Variants in SLC16A3 observed in about 807,000 individuals in gnomAD.
SLC16A3 encodes monocarboxylate transporter 4.
A neutral mutation model predicts 25.0 loss-of-function variants in SLC16A3; 22 were observed. That is an observed-to-expected ratio of 0.88 (90% CI 0.63 to 1.26). SLC16A3 has a LOEUF of 1.26. Ranked by LOEUF, SLC16A3 falls within the 50% of genes most tolerant of loss-of-function variation. The pLI is 0.00. For missense variants in SLC16A3, 731 were observed against 666.6 expected (o/e 1.10, Z -1.06); for synonymous variants, 390 against 309.2 (o/e 1.26, Z -2.74).
intron 1 of SLC16A3, chr17:82,229,592 C>T (rs183271676): frequency 6.6e-6 from 1 of 152,514 alleles, no homozygotes; most frequent in Non-Finnish European, 1.5e-5. Context: ...CCTGAACACT[C>T]CCCGACCCAC....
intron 4 of SLC16A3, 105 bp from the exon 5 acceptor site, chr17:82,238,595 CAG>C: frequency 8.6e-7 from 1 of 1,165,336 alleles, no homozygotes; most frequent in Non-Finnish European, 1.2e-6. Flanking sequence ...CAGAGGCAGA[CAG>C]GGTGACCCTT....
upstream of SLC16A3, among the ~76,000 whole-genome samples, chr17:82,228,060 C>T (rs1376578860): frequency 6.6e-6 from 1 of 152,208 alleles, no homozygotes; most frequent in Non-Finnish European, 1.5e-5. Context: ...ACCAGTGCCT[C>T]GGTCCCCGAA....
intron 1 of SLC16A3, among the ~76,000 whole-genome samples, chr17:82,232,612 G>A (rs1037376384): frequency 6.6e-6 from 1 of 152,244 alleles, no homozygotes; most frequent in African/African-American, 2.4e-5. Context: ...AGGTCCTGAG[G>A]ACTTCATGGT....
In SLC16A3 at chr17:82,237,558, C is replaced by T; in HGVS notation, c.788C>T (p.Ala263Val). ...GACCTGGGCGTGCCCGACACCAAGG[C>T]CGCCTTCCTGCTCACCATCCTGGGC... ...AKDLGVPDTKAAFLLTILGFI... is the reference protein window; with the variant it reads ...AKDLGVPDTKVAFLLTILGFI... Residue 263 changes from alanine (A) to valine (V), a missense_variant, in exon 4 of 5, where the codon GCC becomes GTC. By Grantham distance (64) the Ala-to-Val change is moderately conservative. Coordinates refer to ENST00000582743, the MANE Select transcript of SLC16A3 (RefSeq NM_004207.4). The T allele has an allele frequency of 6.2e-7, 1 of 1,611,248 alleles. No individual in the cohort carries two copies. The highest frequency in any genetic ancestry group is 8.5e-7 in the Non-Finnish European group (1 of 1,178,768).
At chr17:82,222,291 G>A (rs919053338) in intron 1 of SLC16A3, among the ~76,000 whole-genome samples, 1 of 138,670 alleles carries the variant, frequency 7.2e-6, no homozygotes, top group Non-Finnish European at 1.5e-5. Flanking sequence ...TCCCACGTTC[G>A]TGGAGACGAG....
intron 1 of SLC16A3, chr17:82,235,675 T>C: frequency 2.4e-6 from 1 of 418,030 alleles, no homozygotes; most frequent in South Asian, 2.4e-5. Flanking sequence ...CAGGTCGATG[T>C]TCCTGTCGGG....
upstream of SLC16A3, among the ~76,000 whole-genome samples, chr17:82,226,855 G>A (rs150367726): frequency 0.01 from 1,593 of 152,252 alleles, 15 homozygotes; most frequent in Admixed American, 0.017. Flanking sequence ...TGTCCCAAGT[G>A]GCCTGCTTGA....
At chr17:82,235,910 G>T in intron 1 of SLC16A3, 73 bp from the exon 2 acceptor site, 1 of 1,045,668 alleles carries the variant, frequency 9.6e-7, no homozygotes, top group Non-Finnish European at 1.4e-6. Flanking sequence ...CACCCAGCTC[G>T]TGTCCCTCCC....
upstream of SLC16A3, among the ~76,000 whole-genome samples, chr17:82,226,816 G>A (rs148241512): frequency 5.3e-4 from 80 of 152,242 alleles, no homozygotes; most frequent in African/African-American, 1.5e-3. Context: ...ACCCCACAGC[G>A]TCCTGTTCTG....
chr17:82,237,274 G>A lies in SLC16A3; in HGVS notation c.504G>A (p.Gln168=). Residue 168 remains glutamine (Q), a synonymous_variant, in exon 4 of 5, where the codon CAG becomes CAA. Transcript: ENST00000582743. The stretch of plus-strand genomic sequence containing the variant: ...TGTGTGCCCTGAGCCCGCTGGGGCA[G>A]CTGCTGCAGGACCGCTACGGCTGGC... The part of the protein sequence containing the change: ...VFLCALSPLG[Q]LLQDRYGWRG... 3 of 1,564,806 alleles carry A rather than the reference G, an allele frequency of 1.9e-6. No individual in the cohort carries two copies. Among genetic ancestry groups the A allele is most frequent in the Non-Finnish European group, 2.6e-6 (3 of 1,155,086 alleles).
chr17:82,218,072 G>A (rs575647294), exon 1 of SLC16A3, among the ~76,000 whole-genome samples: 5 of 152,322 alleles, frequency 3.3e-5, no homozygotes, highest in Admixed American at 6.5e-5. Context: ...GGCTGGGCAC[G>A]AGGCCACAGC....
chr17:82,238,482 T>G lies in SLC16A3; in HGVS notation c.1124-220T>G, dbSNP rs117195347. Among the ~76,000 whole-genome samples the G allele has an allele frequency of 3.7e-3, 556 of 152,106 alleles. 19 individuals are homozygous for G. In the East Asian group the frequency reaches 0.087, roughly 24 times the overall value. ...CGAAACCCAAACTCCACAAAGCCAT[T>G]GCTATTTTTAGCCTCTTAAGTCTTG... On this transcript the variant is annotated intron_variant, in intron 4 of 4. Transcript: ENST00000582743.
In SLC16A3 at chr17:82,236,885, G is replaced by T. The variant is rs777270913; in HGVS notation, c.367+13G>T. 2.5e-6 allele frequency: 4 copies of T among 1,602,616 alleles called. No individual in the cohort carries two copies. Among genetic ancestry groups the T allele is most frequent in the Non-Finnish European group, 3.4e-6 (4 of 1,179,124 alleles). ...GGGGTCATCACGGGTGAGTGGGGCC[G>T]GCCGGTGGGCCGCACGTGCCAGGAG... On this transcript the variant is annotated intron_variant, in intron 3 of 4. Transcript: ENST00000582743.
chr17:82,238,886 G>A lies in SLC16A3; in HGVS notation c.1308G>A (p.Ser436=), dbSNP rs61730223. 2,997 of 1,606,672 alleles carry A rather than the reference G, an allele frequency of 1.9e-3. 43 individuals carry two copies. The African/African-American group carries it at 0.034, about 18-fold the overall frequency. ...EEKLHKPPAD[S]GVDLREVEHF... The stretch of plus-strand genomic sequence containing the variant: ...AGCTCCACAAGCCTCCTGCAGACTC[G>A]GGGGTGGACTTGCGGGAGGTGGAGC... The change falls in exon 5 of 5, where the codon TCG becomes TCA. Residue 436 remains serine (S), a synonymous_variant. Coordinates refer to ENST00000582743, the MANE Select transcript of SLC16A3 (RefSeq NM_004207.4).
intron 4 of SLC16A3, 127 bp from the exon 5 acceptor site, chr17:82,238,575 C>A: frequency 2.1e-6 from 2 of 943,772 alleles, no homozygotes; most frequent in South Asian, 2.0e-5. Context: ...ACCTCCCAGC[C>A]CCACAAGCTC....
In SLC16A3 at chr17:82,239,672, G is replaced by C. The variant is rs1306788055; in HGVS notation, c.*696G>C. On this transcript the variant is annotated 3_prime_UTR_variant, in exon 5 of 5. Transcript: ENST00000582743. ...CAGGTGCCTGGAGGCCGCTGTGCCA[G>C]GGTGGCCTCTGAAATGTGCCAGGGA... is the stretch of plus-strand genomic sequence containing the variant. The C allele has an allele frequency of 9.2e-6, 3 of 324,902 alleles. No individual in the cohort carries two copies. Among genetic ancestry groups the C allele is most frequent in the Non-Finnish European group, 1.7e-5 (3 of 179,272 alleles). The allele number at this position is 324,902 out of a possible 1,614,324, so 20.1% of individuals were successfully genotyped here.
intron 4 of SLC16A3, among the ~76,000 whole-genome samples, chr17:82,238,415 CAG>C (rs890781671): frequency 2.0e-4 from 30 of 152,292 alleles, no homozygotes; most frequent in African/African-American, 6.5e-4. Context: ...CTGGAAGCCT[CAG>C]GGGGACTCCG....
chr17:82,223,660 A>ATG (rs1028772543), upstream of SLC16A3, among the ~76,000 whole-genome samples: 7 of 152,166 alleles, frequency 4.6e-5, no homozygotes, highest in Non-Finnish European at 8.8e-5. Flanking sequence ...TTATGGGTGC[A>ATG]TGCCACCACG....
chr17:82,227,689 A>C (rs2050435320), upstream of SLC16A3, among the ~76,000 whole-genome samples: 1 of 147,910 alleles, frequency 6.8e-6, no homozygotes, highest in Admixed American at 6.7e-5. Context: ...CGGGAGCAGC[A>C]CGGGCCAACT....
Sources: gnomAD v4.1 joint callset for allele counts (sites outside exome capture counted in the v4.1 genomes callset) on GRCh38, gnomAD v4.1.1 for gene constraint, MANE v1.5 for transcripts, NCBI Gene and HGNC (gene_info 2026-07-23, HGNC 2026-07-21) for gene names.